The following CACNA1C variants were observed in gnomAD, a reference collection of about 807,000 sequenced individuals.
CACNA1C encodes the protein calcium voltage-gated channel subunit alpha1 C.
Under a neutral mutation model 229.0 loss-of-function variants are expected in CACNA1C, and 30 were observed. The observed-to-expected ratio is 0.13, with a 90% confidence interval of 0.10 to 0.18. CACNA1C has a LOEUF of 0.18. Ranked by LOEUF, CACNA1C falls within the 10% of genes least tolerant of loss-of-function variation. The pLI, the probability that CACNA1C is intolerant of heterozygous loss-of-function variation, is 1.00. For synonymous variants in CACNA1C, 1,114 were observed against 1,132.5 expected (o/e 0.98, Z 0.33); for missense variants, 1,658 against 2,845.0 (o/e 0.58, Z 9.49).
At chr12:2,642,195 G>A (rs892030592) in intron 30 of CACNA1C, among the ~76,000 whole-genome samples, 13 of 152,114 alleles carry the variant, frequency 8.5e-5, no homozygotes, top group African/African-American at 2.9e-4. Context: ...GTCCTGATGC[G>A]GCTCTGACCC....
intron 1 of CACNA1C, among the ~76,000 whole-genome samples, chr12:2,101,399 C>G (rs545529474): frequency 2.0e-5 from 3 of 152,318 alleles, no homozygotes; most frequent in African/African-American, 7.2e-5. Flanking sequence ...ACGCTTCCCC[C>G]GGGCAAAGTG....
intron 3 of CACNA1C, among the ~76,000 whole-genome samples, chr12:2,160,012 T>A (rs2095767614): frequency 6.6e-6 from 1 of 152,226 alleles, no homozygotes. Flanking sequence ...GCAATTTCTT[T>A]TCTCCTTATT....
intron 3 of CACNA1C, among the ~76,000 whole-genome samples, chr12:2,364,941 G>A (rs956025025): frequency 2.0e-5 from 3 of 152,198 alleles, no homozygotes; most frequent in Middle Eastern, 3.2e-3. Flanking sequence ...GGGCCTCTGC[G>A]GTGAATTTAA....
chr12:2,265,952 G>A (rs999200203), intron 3 of CACNA1C, among the ~76,000 whole-genome samples: 5 of 152,208 alleles, frequency 3.3e-5, no homozygotes, highest in Non-Finnish European at 7.3e-5. Flanking sequence ...TGCGCTCCAC[G>A]CTCCTATCCA....
chr12:2,048,852 G>T (rs528264259), upstream of CACNA1C, among the ~76,000 whole-genome samples: 101 of 152,018 alleles, frequency 6.6e-4, 1 homozygote, highest in African/African-American at 2.3e-3. Context: ...GACCAGACAG[G>T]GAAGAAGAAG....
intron 1 of CACNA1C, among the ~76,000 whole-genome samples, chr12:2,024,769 C>T (rs149889097): frequency 5.6e-4 from 86 of 152,296 alleles, no homozygotes; most frequent in African/African-American, 2.0e-3. Flanking sequence ...GCACTCTGAC[C>T]TGTCAGGAGA....
upstream of CACNA1C, chr12:2,052,894 C>CGGGT: frequency 1.5e-6 from 1 of 661,814 alleles, no homozygotes; most frequent in African/African-American, 2.5e-5. Flanking sequence ...TCCGGCGCGC[C>CGGGT]GGGCGGGCGG....
intron 1 of CACNA1C, among the ~76,000 whole-genome samples, chr12:2,062,883 G>A (rs1465275891): frequency 1.3e-5 from 2 of 152,148 alleles, no homozygotes; most frequent in Admixed American, 1.3e-4. Flanking sequence ...ATCCCTGTAA[G>A]CTGAGCTCTC....
At chr12:2,551,377 C>T (rs1189930188) in intron 10 of CACNA1C, among the ~76,000 whole-genome samples, 1 of 152,244 alleles carries the variant, frequency 6.6e-6, no homozygotes, top group Non-Finnish European at 1.5e-5. Flanking sequence ...CTGTCGTTTG[C>T]TCAGAGCACA....
intron 9 of CACNA1C, among the ~76,000 whole-genome samples, chr12:2,515,927 C>T (rs1274000073): frequency 1.3e-5 from 2 of 152,206 alleles, no homozygotes; most frequent in Non-Finnish European, 2.9e-5. Context: ...GGTCTGCTCT[C>T]TGCCAGGCAC....
At chr12:2,615,823 G>C (rs373831719) in intron 29 of CACNA1C, among the ~76,000 whole-genome samples, 35 of 151,834 alleles carry the variant, frequency 2.3e-4, no homozygotes, top group East Asian at 1.9e-3. Context: ...AAGGGTACTG[G>C]GGGGGAGGAG....
intron 1 of CACNA1C, among the ~76,000 whole-genome samples, chr12:1,979,168 G>A (rs547649585): frequency 1.1e-4 from 17 of 152,212 alleles, no homozygotes; most frequent in Admixed American, 4.6e-4. Flanking sequence ...GCCCGCCATC[G>A]AGCCTGGCTA....
chr12:2,192,732 C>T (rs2097276898), intron 3 of CACNA1C, among the ~76,000 whole-genome samples: 1 of 151,392 alleles, frequency 6.6e-6, no homozygotes, highest in South Asian at 2.1e-4. Context: ...TCTCCCCCTC[C>T]TCCACACGGT....
At chr12:2,545,731 A>T (rs1195755910) in intron 9 of CACNA1C, among the ~76,000 whole-genome samples, 1 of 152,274 alleles carries the variant, frequency 6.6e-6, no homozygotes, top group East Asian at 1.9e-4. Flanking sequence ...CAACAATGCA[A>T]AAAACACAAT....
intron 3 of CACNA1C, among the ~76,000 whole-genome samples, chr12:2,337,050 T>A (rs1013811321): frequency 6.6e-6 from 1 of 152,216 alleles, no homozygotes; most frequent in African/African-American, 2.4e-5. Context: ...TATGGGAAGC[T>A]GGCTACGTCC....
intron 3 of CACNA1C, among the ~76,000 whole-genome samples, chr12:2,283,055 C>T (rs924394569): frequency 1.3e-5 from 2 of 151,690 alleles, no homozygotes; most frequent in Admixed American, 1.3e-4. Flanking sequence ...GAGGCTTTCC[C>T]AGAAGTCCCT....
At chr12:2,674,711 C>T in intron 39 of CACNA1C, 69 bp downstream of exon 39, 1 of 1,386,438 alleles carries the variant, frequency 7.2e-7, no homozygotes, top group Non-Finnish European at 9.9e-7. Flanking sequence ...TGCCTCTCCT[C>T]CAGCTGTGGC....
rs1050085009 is a variant in CACNA1C, at chr12:2,676,910, G to A, written c.4829-184G>A. ...TAGGCAGATAAGGGCTGTGGTGGGA[G>A]AGACTTTTGACCATAAGCCTTTTTA... On this transcript the variant is annotated intron_variant, in intron 39 of 46. Transcript: ENST00000399655. 3 of 525,120 alleles carry A rather than the reference G, an allele frequency of 5.7e-6. No individual in the cohort carries two copies. In the African/African-American group the frequency reaches 5.7e-5, roughly 10 times the overall value. 32.5% of individuals were successfully genotyped at this position (525,120 alleles called of 1,614,324 possible).
Position 2,355,762 on chromosome 12 carries a change from G to A in CACNA1C, c.478-93214G>A, listed in dbSNP as rs1428062657. On this transcript the variant is annotated intron_variant, in intron 3 of 46. Coordinates refer to ENST00000399655, the MANE Select transcript of CACNA1C (RefSeq NM_000719.7). ...GGAGACAGATTTGGTTTTCACAACT[G>A]AAAGGGGAGCTACTGGCATCTAGCG... Among the ~76,000 whole-genome samples, 5 of 152,332 alleles carry A rather than the reference G, an allele frequency of 3.3e-5. No individual in the cohort carries two copies. In the South Asian group the frequency reaches 6.2e-4, roughly 19 times the overall value.
Sources: allele counts gnomAD v4.1 joint callset (sites outside exome capture counted in the v4.1 genomes callset), GRCh38; gene constraint gnomAD v4.1.1; transcripts MANE v1.5; gene names NCBI Gene and HGNC (gene_info 2026-07-23, HGNC 2026-07-21).